SCN9A: variants seen among roughly 807,000 people sequenced by gnomAD.
SCN9A encodes the protein sodium voltage-gated channel alpha subunit 9.
Under a neutral mutation model 187.0 loss-of-function variants are expected in SCN9A, and 131 were observed. The ratio of observed to expected loss-of-function variants is 0.70; its 90% CI spans 0.61 to 0.81. SCN9A has a LOEUF of 0.81. SCN9A is among the 30% of genes least tolerant of loss of function. The probability of loss-of-function intolerance (pLI) is 0.00; values close to 1 mark genes in which losing one functional copy is unlikely to be tolerated. For missense variants in SCN9A, 2,252 were observed against 2,396.6 expected (o/e 0.94, Z 1.26); for synonymous variants, 809 against 808.6 (o/e 1.00, Z -0.01).
chr2:166,237,436 A>G (rs983672879), intron 20 of SCN9A, among the ~76,000 whole-genome samples: 1 of 152,152 alleles, frequency 6.6e-6, no homozygotes, highest in African/African-American at 2.4e-5. Context: ...TAAAATTATT[A>G]CATTAATAAT....
At chr2:166,324,807 A>G (rs989613399) in intron 1 of SCN9A, among the ~76,000 whole-genome samples, 1 of 152,194 alleles carries the variant, frequency 6.6e-6, no homozygotes, top group African/African-American at 2.4e-5. Flanking sequence ...AACATCATCA[A>G]AAACAAGGAA....
intron 21 of SCN9A, among the ~76,000 whole-genome samples, chr2:166,229,973 G>A (rs1329128713): frequency 1.3e-5 from 2 of 152,282 alleles, no homozygotes; most frequent in East Asian, 3.9e-4. Flanking sequence ...CTTCTTTTCT[G>A]CAATGTATTA....
At chr2:166,365,218 T>C (rs1333811602) in intron 1 of SCN9A, among the ~76,000 whole-genome samples, 1 of 152,150 alleles carries the variant, frequency 6.6e-6, no homozygotes, top group Non-Finnish European at 1.5e-5. Flanking sequence ...GAAGAGAATA[T>C]AGGACATTTA....
At chr2:166,222,958 A>AAAAAAAAAAAAAAAAAAAAAAC in intron 24 of SCN9A, among the ~76,000 whole-genome samples, 1 of 146,042 alleles carries the variant, frequency 6.8e-6, no homozygotes, top group Non-Finnish European at 1.5e-5. Flanking sequence ...AAAAAAAAAA[A>AAAAAAAAAAAAAAAAAAAAAAC]AAAAAAAAAA....
intron 9 of SCN9A, among the ~76,000 whole-genome samples, chr2:166,289,789 A>C (rs1450316427): frequency 1.3e-5 from 2 of 151,908 alleles, no homozygotes; most frequent in Non-Finnish European, 2.9e-5. Flanking sequence ...ATTTCTCCAC[A>C]TTTTCTCCAG....
chr2:166,372,956 G>C (rs925091641), intron 1 of SCN9A, among the ~76,000 whole-genome samples: 2 of 152,118 alleles, frequency 1.3e-5, no homozygotes, highest in South Asian at 2.1e-4. Flanking sequence ...AAGAAACAAG[G>C]TTCCAACATC....
In SCN9A at chr2:166,280,539, A is replaced by C. The variant is rs201266701; in HGVS notation, c.2161T>G (p.Phe721Val). Residue 721 changes from phenylalanine (F) to valine (V), a missense_variant, in exon 14 of 27, where the codon TTC (phenylalanine) becomes GTC (valine). This residue lies in a region of SCN9A where 1,013 missense variants were observed against 997.4 expected (regional missense o/e 1.02). Coordinates refer to ENST00000642356, the MANE Select transcript of SCN9A (RefSeq NM_001365536.1). ...TATGGAGAGCAATTCCAGATCAAGA[A>C]TTTGTGTGCAAATCTGTACCACCAA... ...PPWWYRFAHK[F>V]LIWNCSPYWI... 2.3e-5 allele frequency: 36 copies of C among 1,592,306 alleles called. No individual in the cohort carries two copies. The East Asian group carries it at 7.4e-4, about 33-fold the overall frequency.
At chr2:166,225,030 A>T (rs978646826) in intron 24 of SCN9A, among the ~76,000 whole-genome samples, 1 of 152,140 alleles carries the variant, frequency 6.6e-6, no homozygotes, top group African/African-American at 2.4e-5. Flanking sequence ...CCTACTCAAC[A>T]TATATGAATG....
chr2:166,210,172 C>G (rs551244616), intron 24 of SCN9A, among the ~76,000 whole-genome samples: 3 of 152,022 alleles, frequency 2.0e-5, no homozygotes, highest in African/African-American at 7.3e-5. Context: ...ATGCATGAAG[C>G]TGGAAACCAT....
At chr2:166,249,661 T>C (rs968214257) in intron 18 of SCN9A, among the ~76,000 whole-genome samples, 5 of 152,126 alleles carry the variant, frequency 3.3e-5, no homozygotes, top group African/African-American at 1.2e-4. Flanking sequence ...TCTCAGAGTA[T>C]TCACAAAAGT....
At chr2:166,227,804 G>A (rs1694902812) in intron 22 of SCN9A, 81 bp from the exon 23 acceptor site, 2 of 746,670 alleles carry the variant, frequency 2.7e-6, no homozygotes, top group Non-Finnish European at 2.4e-6. Flanking sequence ...TCTGTTTAAT[G>A]TTACCACAAT....
intron 1 of SCN9A, among the ~76,000 whole-genome samples, chr2:166,317,871 A>G (rs1251416088): frequency 1.3e-5 from 2 of 152,190 alleles, no homozygotes; most frequent in African/African-American, 2.4e-5. Context: ...AAAAAAAGTT[A>G]TCATAAATCA....
chr2:166,198,991 G>A lies in SCN9A; in HGVS notation c.5648C>T (p.Thr1883Ile). ...SKVSYEPITT[T>I]LKRKQEDVSA... ...CACATCCTCTTGTTTCCGTTTTAGTGTGGTTGTGATGGGTTCATAGGACAC... is the reference window on the plus strand; with the variant it reads ...CACATCCTCTTGTTTCCGTTTTAGTATGGTTGTGATGGGTTCATAGGACAC... The change falls in exon 27 of 27, where the codon ACA becomes ATA. Residue 1883 changes from threonine (T) to isoleucine (I), a missense_variant. Physicochemically the swap from Thr to Ile is moderately conservative, Grantham distance 89. Transcript: ENST00000642356. 5 of 1,614,032 alleles carry A rather than the reference G, an allele frequency of 3.1e-6. No homozygotes were observed. The highest frequency in any genetic ancestry group is 1.3e-5 in the African/African-American group (1 of 75,032).
At chr2:166,320,721 C>T (rs1200302461) in intron 1 of SCN9A, among the ~76,000 whole-genome samples, 1 of 152,172 alleles carries the variant, frequency 6.6e-6, no homozygotes, top group East Asian at 1.9e-4. Context: ...TAACCCACAA[C>T]ACAAAATTAA....
intron 7 of SCN9A, chr2:166,301,918 CTT>C (rs1420119717): frequency 6.6e-6 from 1 of 150,810 alleles, no homozygotes; most frequent in Non-Finnish European, 1.5e-5. Flanking sequence ...TACTTCAAAA[CTT>C]TCAGTTTTCT....
chr2:166,277,538 A>T (rs55929222), intron 15 of SCN9A, among the ~76,000 whole-genome samples, 199 bp from the exon 16 acceptor site: 20,962 of 152,162 alleles, frequency 0.14, 1,673 homozygotes, highest in East Asian at 0.36. Flanking sequence ...ACAAAAAATT[A>T]CAACACATAT....
intron 24 of SCN9A, among the ~76,000 whole-genome samples, chr2:166,223,710 C>T (rs567931638): frequency 6.6e-6 from 1 of 152,170 alleles, no homozygotes; most frequent in Admixed American, 6.5e-5. Flanking sequence ...TTTTGTTAAG[C>T]AGGTAGATCT....
intron 17 of SCN9A, among the ~76,000 whole-genome samples, chr2:166,271,255 A>T (rs1231081179): frequency 2.0e-5 from 3 of 152,160 alleles, no homozygotes; most frequent in Admixed American, 2.0e-4. Context: ...GGGATGAAAT[A>T]AATAACATTT....
intron 24 of SCN9A, among the ~76,000 whole-genome samples, chr2:166,218,050 G>A (rs895553823): frequency 6.6e-6 from 1 of 151,864 alleles, no homozygotes; most frequent in Non-Finnish European, 1.5e-5. Context: ...AATTACTTTT[G>A]CACTAACCCA....
Sources: gnomAD v4.1 joint callset for allele counts (sites outside exome capture counted in the v4.1 genomes callset) on GRCh38, gnomAD v4.1.1 for gene constraint, gnomAD v4.1.1 regional missense constraint, MANE v1.5 for transcripts, NCBI Gene and HGNC (gene_info 2026-07-23, HGNC 2026-07-21) for gene names.